PCDHA5: variants seen among roughly 807,000 people sequenced by gnomAD.
The protein encoded by PCDHA5 is protocadherin alpha-5.
Under a neutral mutation model 61.6 loss-of-function variants are expected in PCDHA5, and 43 were observed. The observed-to-expected ratio is 0.70, with a 90% CI of 0.55 to 0.90. The LOEUF is 0.90. Among genes scored for constraint, PCDHA5 ranks in the 40% least tolerant of loss-of-function variants. The pLI is 0.00. For missense variants in PCDHA5, 1,298 were observed against 1,222.7 expected, an observed-to-expected ratio of 1.06 and a Z score of -0.92; for synonymous variants, 627 against 543.9, an observed-to-expected ratio of 1.15 and a Z score of -2.13.
rs782339436 is a variant in PCDHA5, at chr5:140,928,591, G to A, written c.2353-50358G>A. The A allele has an allele frequency of 3.1e-6, 5 of 1,614,230 alleles. No individual in the cohort carries two copies. The South Asian group carries it at 5.5e-5, about 18-fold the overall frequency. ...CTTGCCCAGAAATGGTTCTGTCCCA[G>A]TGGAAATTGTGCCCCGCTCTGCCAG... On this transcript the variant is annotated intron_variant, in intron 1 of 3. Coordinates refer to ENST00000529859, the MANE Select transcript of PCDHA5 (RefSeq NM_018908.3).
Position 140,848,364 on chromosome 5 carries a change from G to A in PCDHA5, c.2352+24237G>A, listed in dbSNP as rs2150409515. On this transcript the variant is annotated intron_variant, in intron 1 of 3. Transcript: ENST00000529859. ...AATACAGCCCTTTTCCCATGGGAAA[G>A]AGGCTCAATTCTTTTTCACTCTCTC... The A allele has an allele frequency of 1.5e-5, 16 of 1,077,594 alleles. 3 individuals carry two copies. In the Admixed American group the frequency reaches 2.3e-4, roughly 16 times the overall value. 66.8% of individuals were successfully genotyped at this position (1,077,594 alleles called of 1,614,324 possible). A position where few individuals can be genotyped will look rare whatever the true frequency, so the allele number is the denominator to read the frequency against.
intron 1 of PCDHA5, among the ~76,000 whole-genome samples, chr5:140,833,768 C>CT (rs1772646157): frequency 7.0e-6 from 1 of 142,080 alleles, no homozygotes; most frequent in Non-Finnish European, 1.6e-5. Flanking sequence ...ACACACACAC[C>CT]GCTTTCTAAG....
chr5:140,928,513 A>AT (rs1563106002), intron 1 of PCDHA5: 1 of 1,614,182 alleles, frequency 6.2e-7, no homozygotes, highest in South Asian at 1.1e-5. Flanking sequence ...AACAGTGACT[A>AT]TAAACTTGTT....
chr5:140,894,919 T>C (rs1188144925), intron 1 of PCDHA5, among the ~76,000 whole-genome samples: 1 of 152,348 alleles, frequency 6.6e-6, no homozygotes, highest in Non-Finnish European at 1.5e-5. Context: ...TGTTGCTCTA[T>C]AGATTTCTAT....
intron 1 of PCDHA5, among the ~76,000 whole-genome samples, chr5:140,924,530 C>T (rs1263885513): frequency 6.6e-6 from 1 of 152,002 alleles, no homozygotes; most frequent in Non-Finnish European, 1.5e-5. Context: ...AGAGAATGCC[C>T]GAGCTACCCC....
At chr5:140,830,200 C>T (rs2150182679) in intron 1 of PCDHA5, 2 of 1,613,764 alleles carry the variant, frequency 1.2e-6, no homozygotes, top group Non-Finnish European at 1.7e-6. Flanking sequence ...TGATCATCGC[C>T]ATCTGCGCGG....
intron 1 of PCDHA5, chr5:140,862,471 C>A (rs1000381603): frequency 1.5e-4 from 55 of 374,462 alleles, no homozygotes; most frequent in Non-Finnish European, 2.7e-4. Context: ...GAGAGCAAAT[C>A]TATCCATTGT....
intron 1 of PCDHA5, chr5:140,968,002 G>A: frequency 6.2e-7 from 1 of 1,614,208 alleles, no homozygotes; most frequent in South Asian, 1.1e-5. Flanking sequence ...CTTTCCGACT[G>A]AATGGCTTTG....
chr5:140,843,302 G>A, intron 1 of PCDHA5: 1 of 1,595,928 alleles, frequency 6.3e-7, no homozygotes, highest in Non-Finnish European at 8.6e-7. Flanking sequence ...TGCGCTGACC[G>A]CCACGGCCAC....
intron 1 of PCDHA5, chr5:140,926,329 A>G (rs1435633972): frequency 6.6e-6 from 1 of 152,150 alleles, no homozygotes; most frequent in Non-Finnish European, 1.5e-5. Flanking sequence ...CCGGGGTCAG[A>G]GCGCCGGGAC....
intron 1 of PCDHA5, among the ~76,000 whole-genome samples, chr5:140,892,004 T>A (rs562047314): frequency 6.6e-6 from 1 of 152,364 alleles, no homozygotes; most frequent in East Asian, 1.9e-4. Flanking sequence ...TGGCATTCTG[T>A]TATAGCAGCA....
At chr5:140,916,821 CT>C (rs1452400361) in intron 1 of PCDHA5, among the ~76,000 whole-genome samples, 3 of 152,170 alleles carry the variant, frequency 2.0e-5, no homozygotes, top group Non-Finnish European at 2.9e-5. Flanking sequence ...TGTGCCACCC[CT>C]ATCCCTCTGG....
intron 1 of PCDHA5, chr5:140,927,217 A>C: frequency 6.2e-7 from 1 of 1,614,082 alleles, no homozygotes; most frequent in Non-Finnish European, 8.5e-7. Context: ...GGAGCTGCAC[A>C]AGATTCGGAT....
At chr5:140,863,093 C>T (rs1204907629) in intron 1 of PCDHA5, 2 of 576,488 alleles carry the variant, frequency 3.5e-6, no homozygotes, top group Middle Eastern at 2.9e-4. Flanking sequence ...ATCAGCACGA[C>T]GAGTACCCTG....
intron 1 of PCDHA5, chr5:140,869,606 T>C: frequency 2.5e-6 from 4 of 1,614,026 alleles, no homozygotes; most frequent in Non-Finnish European, 3.4e-6. Flanking sequence ...AATGCTCTAT[T>C]GACCTACAGG....
chr5:140,823,294 G>C lies in PCDHA5; in HGVS notation c.1519G>C (p.Val507Leu). The change falls in exon 1 of 4, where the codon GTT (valine) becomes CTT (leucine). Residue 507 changes from valine to leucine, a missense_variant. Physicochemically the swap from Val to Leu is conservative, Grantham distance 32. Transcript: ENST00000529859. The part of the protein sequence containing the change: ...RVGERPLSSY[V>L]SVHAESGKVY... ...GGGCGAGCGCCCGCTGTCGAGTTACGTTTCGGTGCACGCGGAGAGCGGCAA... is the reference window on the plus strand; with the variant it reads ...GGGCGAGCGCCCGCTGTCGAGTTACCTTTCGGTGCACGCGGAGAGCGGCAA... 3.7e-6 allele frequency: 6 copies of C among 1,612,492 alleles called. No individual in the cohort carries two copies. In the East Asian group the frequency reaches 1.3e-4, roughly 36 times the overall value.
chr5:140,954,297 C>G (rs1369831854), intron 1 of PCDHA5, among the ~76,000 whole-genome samples: 1 of 152,298 alleles, frequency 6.6e-6, no homozygotes, highest in African/African-American at 2.4e-5. Context: ...TGGGTACATA[C>G]CCAGTAATGG....
At chr5:140,928,718 T>C in intron 1 of PCDHA5, 1 of 1,614,174 alleles carries the variant, frequency 6.2e-7, no homozygotes, top group East Asian at 2.2e-5. Context: ...TCTAGTCTCT[T>C]TAGAATTTCA....
intron 1 of PCDHA5, chr5:140,966,863 C>T: frequency 6.4e-7 from 1 of 1,562,680 alleles, no homozygotes; most frequent in East Asian, 2.3e-5. Flanking sequence ...GCTGCTGTTG[C>T]TGCTGCTGCT....
Sources: allele counts gnomAD v4.1 joint callset (sites outside exome capture counted in the v4.1 genomes callset), GRCh38; gene constraint gnomAD v4.1.1; transcripts MANE v1.5; gene names NCBI Gene and HGNC (gene_info 2026-07-23, HGNC 2026-07-21).